The following METAP1 variants were observed in gnomAD, a reference collection of about 807,000 sequenced individuals.
METAP1 encodes the protein methionyl aminopeptidase 1, also known as methionine aminopeptidase 1.
In METAP1, 28 loss-of-function variants were observed where a neutral mutation model predicts 53.8. The observed-to-expected ratio is 0.52, with a 90% CI of 0.39 to 0.71. The LOEUF (loss-of-function observed/expected upper bound fraction) is 0.71, where lower values mean the gene tolerates loss of function less well. Ranked by LOEUF, METAP1 falls within the 30% of genes least tolerant of loss-of-function variation. The pLI, the probability that METAP1 is intolerant of heterozygous loss-of-function variation, is 0.00. For synonymous variants in METAP1, 181 were observed against 165.7 expected (o/e 1.09, Z -0.71); for missense variants, 389 against 479.8 (o/e 0.81, Z 1.77).
intron 1 of METAP1, among the ~76,000 whole-genome samples, chr4:99,015,659 G>A (rs772869761): frequency 1.3e-5 from 2 of 152,146 alleles, no homozygotes; most frequent in African/African-American, 2.4e-5. Flanking sequence ...TTAATTGATC[G>A]CATCTATGGG....
intron 1 of METAP1, among the ~76,000 whole-genome samples, chr4:99,027,596 C>T (rs1302277326): frequency 1.3e-5 from 2 of 151,690 alleles, no homozygotes; most frequent in Admixed American, 6.6e-5. Context: ...TTACACATTC[C>T]TTGGGTTCTG....
intron 4 of METAP1, chr4:99,037,713 T>C (rs1009448098): frequency 6.6e-6 from 1 of 151,960 alleles, no homozygotes; most frequent in African/African-American, 2.4e-5. Context: ...ATCATAGCTA[T>C]ATAATGTTTA....
intron 2 of METAP1, chr4:99,031,454 T>C (rs1725017687): frequency 1.6e-6 from 2 of 1,283,152 alleles, no homozygotes; most frequent in African/African-American, 1.5e-5. Context: ...AGTAATACTT[T>C]TCCTTCCACT....
At chr4:99,052,873 C>T (rs751497795) in intron 9 of METAP1, among the ~76,000 whole-genome samples, 1 of 152,234 alleles carries the variant, frequency 6.6e-6, no homozygotes, top group Non-Finnish European at 1.5e-5. Context: ...CTCTCAAACC[C>T]TGCTCCTGTT....
intron 9 of METAP1, among the ~76,000 whole-genome samples, chr4:99,054,293 C>T (rs562416479): frequency 6.6e-6 from 1 of 152,162 alleles, no homozygotes; most frequent in Non-Finnish European, 1.5e-5. Flanking sequence ...GCCGCTTCAC[C>T]GTGCACTTTT....
intron 9 of METAP1, 139 bp downstream of exon 9, chr4:99,049,015 T>C (rs1312961979): frequency 9.2e-7 from 1 of 1,090,114 alleles, no homozygotes; most frequent in African/African-American, 1.6e-5. Flanking sequence ...AAATGTGTAT[T>C]TGCTGAAACA....
intron 1 of METAP1, among the ~76,000 whole-genome samples, chr4:99,019,313 G>C (rs1723951600): frequency 6.6e-6 from 1 of 152,118 alleles, no homozygotes; most frequent in African/African-American, 2.4e-5. Context: ...CTCTTGATGG[G>C]ACTCAAGGTG....
At position 99,061,568 on chromosome 4, in the gene METAP1, A is replaced by C. The variant is rs1351169118; in HGVS notation, c.*251A>C. The C allele has an allele frequency of 3.3e-5, 11 of 328,946 alleles. No individual in the cohort carries two copies. Among genetic ancestry groups the C allele is most frequent in the Non-Finnish European group, 5.5e-5 (10 of 183,318 alleles). 20.4% of individuals were successfully genotyped at this position (328,946 alleles called of 1,614,324 possible). ...CACCTGTTTTCTCATTTGCCCTTTG[A>C]GCACTTTTACTTAAACTTGCTTGTA... On this transcript the variant is annotated 3_prime_UTR_variant, in exon 11 of 11. Coordinates refer to ENST00000296411, the MANE Select transcript of METAP1 (RefSeq NM_015143.3).
chr4:98,998,248 C>T (rs563198904), intron 1 of METAP1, among the ~76,000 whole-genome samples: 1 of 152,214 alleles, frequency 6.6e-6, no homozygotes, highest in Non-Finnish European at 1.5e-5. Flanking sequence ...CTTGGCTGGG[C>T]ATGGTGGCTC....
intron 4 of METAP1, 114 bp downstream of exon 4, chr4:99,035,574 G>C: frequency 1.3e-6 from 1 of 743,020 alleles, no homozygotes; most frequent in Non-Finnish European, 2.2e-6. Flanking sequence ...TCTAATAAAT[G>C]TGTTTTCAAG....
chr4:98,999,212 C>T (rs1722801727), intron 1 of METAP1, among the ~76,000 whole-genome samples: 1 of 152,000 alleles, frequency 6.6e-6, no homozygotes, highest in Non-Finnish European at 1.5e-5. Flanking sequence ...CAGTAGGTGG[C>T]CATTAAATGT....
intron 1 of METAP1, among the ~76,000 whole-genome samples, chr4:98,997,066 A>G (rs1379480292): frequency 6.6e-6 from 1 of 152,244 alleles, no homozygotes; most frequent in Non-Finnish European, 1.5e-5. Flanking sequence ...TGCTGTTATA[A>G]TGTAAAGTCC....
rs1329064816 is a variant in METAP1, at chr4:98,995,767, A to G, written c.14A>G (p.Glu5Gly). The change falls in exon 1 of 11, where the codon GAG (glutamate) becomes GGG (glycine). Residue 5 changes from glutamate to glycine, a missense_variant. By Grantham distance (98) the Glu-to-Gly change is moderately conservative. Transcript: ENST00000296411. ...CGGGCAGGCAGCATGGCGGCCGTGGAGACGCGGGTGTGCGAGACAGACGGC... is the reference window on the plus strand; with the variant it reads ...CGGGCAGGCAGCATGGCGGCCGTGGGGACGCGGGTGTGCGAGACAGACGGC... The part of the protein sequence containing the change: MAAV[E>G]TRVCETDGCS... 1.9e-6 allele frequency: 3 copies of G among 1,544,258 alleles called. No individual in the cohort carries two copies.
rs74288970 is a variant in METAP1, at chr4:99,056,461, A to G, written c.932-1292A>G. On this transcript the variant is annotated intron_variant, in intron 9 of 10. Transcript: ENST00000296411. ...ATTAGTGAACTTGGACAAAGAAGCT[A>G]AAAAGTACTTGGAGAGAGAAATGGA... Among the ~76,000 whole-genome samples the G allele has an allele frequency of 1.8e-4, 28 of 152,316 alleles. No individual in the cohort carries two copies. The East Asian group carries it at 5.2e-3, about 28-fold the overall frequency.
chr4:99,015,415 C>T lies in METAP1; in HGVS notation c.115-13452C>T, dbSNP rs763227151. ...TTCCCCTTTGACATTTGCCCAATACCGTAGAGATGGCCGATAGCTGGCTGA... is the reference window on the plus strand; with the variant it reads ...TTCCCCTTTGACATTTGCCCAATACTGTAGAGATGGCCGATAGCTGGCTGA... On this transcript the variant is annotated intron_variant, in intron 1 of 10. Transcript: ENST00000296411. Among the ~76,000 whole-genome samples the T allele has an allele frequency of 6.6e-5, 10 of 152,170 alleles. No individual in the cohort carries two copies. In the South Asian group the frequency reaches 1.9e-3, roughly 28 times the overall value.
intron 2 of METAP1, among the ~76,000 whole-genome samples, chr4:99,031,928 GTATATT>G (rs146063462): frequency 0.012 from 1,878 of 152,274 alleles, 39 homozygotes; most frequent in African/African-American, 0.043. Context: ...GCTTACAAAT[GTATATT>G]TATACTGCCC....
At chr4:99,016,707 G>A (rs1723788183) in intron 1 of METAP1, among the ~76,000 whole-genome samples, 1 of 152,190 alleles carries the variant, frequency 6.6e-6, no homozygotes. Flanking sequence ...TCTTAGCCTA[G>A]GTGTTCTTCA....
intron 1 of METAP1, among the ~76,000 whole-genome samples, chr4:99,019,343 C>T (rs1233323128): frequency 2.0e-5 from 3 of 152,154 alleles, no homozygotes; most frequent in Non-Finnish European, 4.4e-5. Flanking sequence ...GAGCCCCTGA[C>T]TCACGTATTC....
rs762198830 is a variant in METAP1 at position 99,043,199 on chromosome 4, A to G, written c.517-50A>G. On this transcript the variant is annotated intron_variant, in intron 6 of 10. Transcript: ENST00000296411. ...TTCAAATTTTAAAATCTGTAATTTC[A>G]TACAGATTTTTTCTTTTATATATTC... is the stretch of plus-strand genomic sequence containing the variant. 5.3e-5 allele frequency: 71 copies of G among 1,339,476 alleles called. 2 individuals carry two copies. In the African/African-American group the frequency reaches 1.0e-3, roughly 19 times the overall value. The allele number at this position is 1,339,476 out of a possible 1,614,324, so 83.0% of individuals were successfully genotyped here.
Sources: gnomAD v4.1 joint callset for allele counts (sites outside exome capture counted in the v4.1 genomes callset) on GRCh38, gnomAD v4.1.1 for gene constraint, MANE v1.5 for transcripts, NCBI Gene and HGNC (gene_info 2026-07-23, HGNC 2026-07-21) for gene names.